Variants in A1BG observed in about 807,000 individuals in gnomAD.
A1BG encodes alpha-1B-glycoprotein.
A neutral mutation model predicts 46.0 loss-of-function variants in A1BG; 44 were observed. The ratio of observed to expected loss-of-function variants is 0.96; its 90% confidence interval spans 0.75 to 1.23. A1BG has a LOEUF of 1.23. Ranked by LOEUF, A1BG falls within the 50% of genes most tolerant of loss-of-function variation. The pLI is 0.00. For missense variants in A1BG, 707 were observed against 688.8 expected (o/e 1.03, Z -0.30); for synonymous variants, 316 against 314.7 (o/e 1.00, Z -0.04).
Position 58,346,725 on chromosome 19 carries a change from G to GA in A1BG, c.*296dup, listed in dbSNP as rs1202048063. The GA allele has an allele frequency of 2.0e-6, 1 of 499,220 alleles. No individual in the cohort carries two copies. The highest frequency in any genetic ancestry group is 3.6e-6 in the Non-Finnish European group (1 of 276,670). The allele number at this position is 499,220 out of a possible 1,614,324, so 30.9% of individuals were successfully genotyped here. On this transcript the variant is annotated 3_prime_UTR_variant, in exon 8 of 8. Coordinates refer to ENST00000263100, the MANE Select transcript of A1BG (RefSeq NM_130786.4). ...CAGTGTGAGACCCTGTCTCAAAAAA[G>GA]AAAAAAGAAAAGAAAACTGTGCTCT...
rs939886374 is a variant in A1BG at position 58,347,343 on chromosome 19, G to A, written c.1480+10C>T. 2.5e-6 allele frequency: 4 copies of A among 1,610,348 alleles called. No homozygotes were observed. The highest frequency in any genetic ancestry group is 8.5e-7 in the Non-Finnish European group (1 of 1,179,786). ...ACGGAACCAGCACCCGGGACCCAGG[G>A]AAACGTCACCTGCCACCAGGAGCTC... On this transcript the variant is annotated intron_variant, in intron 7 of 7. Coordinates refer to ENST00000263100, the MANE Select transcript of A1BG (RefSeq NM_130786.4).
chr19:58,347,068 A>G, intron 7 of A1BG, 39 bp from the exon 8 acceptor site: 3 of 1,613,228 alleles, frequency 1.9e-6, no homozygotes, highest in Non-Finnish European at 2.5e-6. Context: ...GGAGGAGGGG[A>G]AATCCTATGC....
rs775426539 is a variant in A1BG, at chr19:58,353,240, G to A, written c.71-43C>T. ...GATCAGCTCAGTGCCACAGAGACAG[G>A]GCTCCCCCCCGGCCTGGGCCCACCA... On this transcript the variant is annotated intron_variant, in intron 2 of 7. Coordinates refer to ENST00000263100, the MANE Select transcript of A1BG (RefSeq NM_130786.4). 37 of 1,613,564 alleles carry A rather than the reference G, an allele frequency of 2.3e-5. No individual in the cohort carries two copies. The East Asian group carries it at 5.3e-4, about 23-fold the overall frequency.
rs201484651 is a variant in A1BG, at chr19:58,353,481, G to A, written c.-44C>T. On this transcript the variant is annotated 5_prime_UTR_variant, in exon 1 of 8. It adds an upstream start codon to the 5' untranslated region. Transcript: ENST00000263100. ...GGTGCAGTGAGTGTCTGGGGTGAGCGTCTGCAGCAATGAGGCCCCAAGGGA... is the reference window on the plus strand; with the variant it reads ...GGTGCAGTGAGTGTCTGGGGTGAGCATCTGCAGCAATGAGGCCCCAAGGGA... 658 of 1,575,994 alleles carry A rather than the reference G, an allele frequency of 4.2e-4. 1 individual carries two copies. The highest frequency in any genetic ancestry group is 4.6e-4 in the Non-Finnish European group (534 of 1,162,100).
At chr19:58,347,845 G>A (rs1307775062) in intron 6 of A1BG, 2 of 345,374 alleles carry the variant, frequency 5.8e-6, no homozygotes, top group East Asian at 4.3e-5. Context: ...CGCGCCACAC[G>A]TGAGTGTCCC....
At chr19:58,352,674 G>C in intron 3 of A1BG, 119 bp from the exon 4 acceptor site, 7 of 1,364,606 alleles carry the variant, frequency 5.1e-6, no homozygotes, top group Non-Finnish European at 7.0e-6. Context: ...GGGCATTGCT[G>C]GGAAAAGGCA....
At chr19:58,347,727 C>T in intron 6 of A1BG, 87 bp from the exon 7 acceptor site, 1 of 818,658 alleles carries the variant, frequency 1.2e-6, no homozygotes, top group Non-Finnish European at 1.6e-6. Context: ...AGGCCGCGCC[C>T]GCGCCTGCGC....
At position 58,350,534 on chromosome 19, in the gene A1BG, C is replaced by T; in HGVS notation, c.1028G>A (p.Gly343Glu). The T allele has an allele frequency of 6.5e-7, 1 of 1,549,586 alleles. No individual in the cohort carries two copies. The highest frequency in any genetic ancestry group is 1.2e-5 in the South Asian group (1 of 84,014). The change falls in exon 6 of 8, where the codon GGG becomes GAG. Residue 343 changes from glycine (G) to glutamate (E), a missense_variant. By Grantham distance (98) the Gly-to-Glu change is moderately conservative (BLOSUM62 -2). Transcript: ENST00000263100. ...GCTCTGGAAACGGTGCACGCGGCGCCCGCCCCTGTCCTCGCGCACCAGGGC... is the reference window on the plus strand; with the variant it reads ...GCTCTGGAAACGGTGCACGCGGCGCTCGCCCCTGTCCTCGCGCACCAGGGC... ...RFALVREDRG[G>E]RRVHRFQSPA...
In A1BG at chr19:58,350,395, G is replaced by A. The variant is rs1208067127; in HGVS notation, c.1167C>T (p.Ser389=). The change falls in exon 6 of 8, where the codon AGC becomes AGT. Residue 389 remains serine, a synonymous_variant. Coordinates refer to ENST00000263100, the MANE Select transcript of A1BG (RefSeq NM_130786.4). ...CGTCCACGTGCAGCTCCAAGCGCTC[G>A]CTGGGCGCGGAGCCCCCGAAAGGCG... ...LKPPFGGSAP[S]ERLELHVDGP... is the part of the protein sequence containing the mutation. The A allele has an allele frequency of 5.2e-6, 8 of 1,548,502 alleles. No individual in the cohort carries two copies. The South Asian group carries it at 6.0e-5, about 12-fold the overall frequency.
intron 6 of A1BG, 60 bp downstream of exon 6, chr19:58,350,308 GAC>G: frequency 1.4e-6 from 2 of 1,473,458 alleles, no homozygotes; most frequent in Non-Finnish European, 1.8e-6. Context: ...AGAGGGGAAA[GAC>G]AGGAGGCCCC....
At chr19:58,347,271 G>T in intron 7 of A1BG, 82 bp downstream of exon 7, 1 of 1,578,342 alleles carries the variant, frequency 6.3e-7, no homozygotes, top group Non-Finnish European at 8.6e-7. Context: ...GGAGGAGCCG[G>T]GAGAGGCCCT....
At chr19:58,350,837 C>A in intron 5 of A1BG, 186 bp from the exon 6 acceptor site, 1 of 511,100 alleles carries the variant, frequency 2.0e-6, no homozygotes, top group East Asian at 3.4e-5. Context: ...TCACACGCAC[C>A]CTTTCACTGT....
In A1BG at chr19:58,347,375, G is replaced by T; in HGVS notation, c.1458C>A (p.Asp486Glu). Residue 486 changes from aspartate (D) to glutamate (E), a missense_variant, in exon 7 of 8, where the codon GAC becomes GAA. Physicochemically the swap from Asp to Glu is conservative, Grantham distance 45. Coordinates refer to ENST00000263100, the MANE Select transcript of A1BG (RefSeq NM_130786.4). The part of the protein sequence containing the change: ...VPHTFESELS[D>E]PVELLVAES ...CACCTGCCACCAGGAGCTCCACAGG[G>T]TCGCTGAGCTCCGATTCGAAGGTGT... 6.2e-7 allele frequency: 1 copy of T among 1,612,066 alleles called. No homozygotes were observed.
chr19:58,353,259 C>A (rs777885560), intron 2 of A1BG, 33 bp downstream of exon 2: 2 of 1,613,756 alleles, frequency 1.2e-6, no homozygotes, highest in African/African-American at 1.3e-5. Context: ...CCGGCCTGGG[C>A]CCACCATTCC....
intron 4 of A1BG, 175 bp from the exon 5 acceptor site, chr19:58,351,862 C>G (rs1214677887): frequency 2.7e-6 from 2 of 734,150 alleles, no homozygotes. Flanking sequence ...AGTGGCGCCA[C>G]TCAGCTCACT....
intron 3 of A1BG, 77 bp downstream of exon 3, chr19:58,352,851 T>C: frequency 6.6e-7 from 1 of 1,524,856 alleles, no homozygotes; most frequent in Non-Finnish European, 8.8e-7. Context: ...AGACATCGGG[T>C]GACTTGGAGG....
intron 6 of A1BG, chr19:58,349,639 T>A (rs1600503739): frequency 1.7e-5 from 2 of 117,344 alleles, no homozygotes; most frequent in Non-Finnish European, 1.8e-5. Context: ...AGAATAAAAG[T>A]AAGTTATCCA....
At chr19:58,352,179 C>T in intron 4 of A1BG, 104 bp downstream of exon 4, 1 of 1,532,056 alleles carries the variant, frequency 6.5e-7, no homozygotes, top group African/African-American at 1.4e-5. Flanking sequence ...CTTCCTGGAC[C>T]TGGTCCTGGG....
In A1BG at chr19:58,345,729, G is replaced by A. The variant is rs1326547494; in HGVS notation, c.*1293C>T. The A allele has an allele frequency of 6.6e-6, 1 of 152,308 alleles. No individual in the cohort carries two copies. Among genetic ancestry groups the A allele is most frequent in the East Asian group, 1.9e-4 (1 of 5,200 alleles). 9.4% of individuals were successfully genotyped at this position (152,308 alleles called of 1,614,324 possible). A position where few individuals can be genotyped will look rare whatever the true frequency, so the allele number is the denominator to read the frequency against. The stretch of plus-strand genomic sequence containing the variant: ...ATAAACCACTAGCAAGAAAGAGAGA[G>A]AGGACACATCAGGCTTGAGAGAAGT... On this transcript the variant is annotated 3_prime_UTR_variant, in exon 8 of 8. Coordinates refer to ENST00000263100, the MANE Select transcript of A1BG (RefSeq NM_130786.4).
Sources: gnomAD v4.1 joint callset for allele counts on GRCh38, gnomAD v4.1.1 for gene constraint, MANE v1.5 for transcripts, NCBI Gene and HGNC (gene_info 2026-07-23, HGNC 2026-07-21) for gene names.